SLC43A1: variants seen among roughly 807,000 people sequenced by gnomAD.
SLC43A1 encodes the protein solute carrier family 43 member 1, also known as large neutral amino acids transporter small subunit 3.
SLC43A1 carries 31 observed loss-of-function variants against 59.5 expected under a neutral mutation model. The observed-to-expected ratio is 0.52, with a 90% confidence interval of 0.39 to 0.70. The LOEUF (loss-of-function observed/expected upper bound fraction) is 0.70. Ranked by LOEUF, SLC43A1 falls within the 30% of genes least tolerant of loss-of-function variation. The probability of loss-of-function intolerance (pLI) is 0.00; values close to 1 mark genes in which losing one functional copy is unlikely to be tolerated. For missense variants in SLC43A1, 598 were observed against 717.8 expected (o/e 0.83, Z 1.91); for synonymous variants, 259 against 290.9 (o/e 0.89, Z 1.12).
intron 2 of SLC43A1, 194 bp from the exon 3 acceptor site, chr11:57,501,523 G>A: frequency 5.0e-6 from 3 of 603,700 alleles, no homozygotes; most frequent in Non-Finnish European, 8.8e-6. Context: ...GGAGAGTCTT[G>A]TGCACACACA....
In SLC43A1 at chr11:57,514,784, G is replaced by A; in HGVS notation, c.-14+660C>T. 1.0e-6 allele frequency: 1 copy of A among 983,638 alleles called. No individual in the cohort carries two copies. Among genetic ancestry groups the A allele is most frequent in the East Asian group, 1.1e-4 (1 of 8,772 alleles). The allele number at this position is 983,638 out of a possible 1,614,324, so 60.9% of individuals were successfully genotyped here. A position where few individuals can be genotyped will look rare whatever the true frequency, so the allele number is the denominator to read the frequency against. On this transcript the variant is annotated intron_variant, in intron 1 of 14. Transcript: ENST00000278426. This position sits in a 1 kb window ranked among gnomAD's most constrained non-coding sequence, Gnocchi z 5.5. ...CCCCCGCGCGCCCCTCACTCACTCC[G>A]CAGGGCTCGGGGCACCAGGCTTTGC...
intron 6 of SLC43A1, among the ~76,000 whole-genome samples, chr11:57,497,543 GAC>G (rs1944122591): frequency 1.3e-5 from 2 of 152,234 alleles, no homozygotes; most frequent in African/African-American, 2.4e-5. Flanking sequence ...TCACGTGAGT[GAC>G]AGAGTACAGA....
rs750074305 is a variant in SLC43A1, at chr11:57,513,965, C to T, written c.147G>A (p.Thr49=). 1.3e-6 allele frequency: 2 copies of T among 1,584,524 alleles called. No individual in the cohort carries two copies. Among genetic ancestry groups the T allele is most frequent in the Non-Finnish European group, 1.7e-6 (2 of 1,162,782 alleles). ...GCCCATTTTCAGGCATACCTGGGCA[C>T]GTGCTGGAATAGAAGCCCTCGTTCT... The part of the protein sequence containing the change: ...ILKNEGFYSS[T]CPAESSTNTT... The change falls in exon 2 of 15, where the codon ACG becomes ACA. Residue 49 remains threonine, a synonymous_variant. Transcript: ENST00000278426.
chr11:57,484,923 G>T lies in SLC43A1; in HGVS notation c.*173C>A. On this transcript the variant is annotated 3_prime_UTR_variant, in exon 15 of 15. Coordinates refer to ENST00000278426, the MANE Select transcript of SLC43A1 (RefSeq NM_003627.6). Reference sequence around the variant, plus strand: ...CGTTGACTTAGGGGGCGTTTTTGAAGGTTTTTTTTCCTCCTTTTTGCAGTC... The same window carrying T: ...CGTTGACTTAGGGGGCGTTTTTGAATGTTTTTTTTCCTCCTTTTTGCAGTC... 1 of 789,956 alleles carries T rather than the reference G, an allele frequency of 1.3e-6. No homozygotes were observed. The highest frequency in any genetic ancestry group is 1.9e-6 in the Non-Finnish European group (1 of 534,520). 48.9% of individuals were successfully genotyped at this position (789,956 alleles called of 1,614,324 possible). A position where few individuals can be genotyped will look rare whatever the true frequency, so the allele number is the denominator to read the frequency against.
intron 8 of SLC43A1, 126 bp from the exon 9 acceptor site, chr11:57,491,988 CA>C: frequency 2.2e-6 from 2 of 925,598 alleles, no homozygotes; most frequent in Non-Finnish European, 3.2e-6. Flanking sequence ...CTGGTTTCTT[CA>C]AAGACGGGAA....
rs1565124190 is a variant in SLC43A1, at chr11:57,489,254, G to A, written c.1332C>T (p.Leu444=). 1.2e-6 allele frequency: 2 copies of A among 1,614,210 alleles called. No homozygotes were observed. Among genetic ancestry groups the A allele is most frequent in the Non-Finnish European group, 8.5e-7 (1 of 1,180,038 alleles). The change falls in exon 12 of 15, where the codon CTC becomes CTT. Residue 444 remains leucine (L), a synonymous_variant. Transcript: ENST00000278426. ...GGGGAAGGATGAAGGTGGGTACCTG[G>A]AGGTGTAAGTTGTTGATGAGACAGG... The part of the protein sequence containing the change: ...GITCLINNLH[L]QFVTFVLHTI...
At chr11:57,497,001 T>C (rs962296857) in intron 6 of SLC43A1, among the ~76,000 whole-genome samples, 7 of 152,052 alleles carry the variant, frequency 4.6e-5, no homozygotes, top group Non-Finnish European at 8.8e-5. Flanking sequence ...CTTCAAACAC[T>C]ACTTCAGTTG....
chr11:57,513,682 G>A (rs1944609750), intron 2 of SLC43A1, among the ~76,000 whole-genome samples: 1 of 152,180 alleles, frequency 6.6e-6, no homozygotes, highest in South Asian at 2.1e-4. Context: ...AAGAGCTCTA[G>A]ACCTGAGGCT....
rs754604599 is a variant in SLC43A1 at position 57,485,261 on chromosome 11, G to C, written c.1534-19C>G. 1.2e-6 allele frequency: 2 copies of C among 1,603,424 alleles called. No individual in the cohort carries two copies. Among genetic ancestry groups the C allele is most frequent in the Non-Finnish European group, 1.7e-6 (2 of 1,174,714 alleles). ...GATTCACCTTTAGGGCAAGGAGAGA[G>C]AAACAGAGTCAAGTAGGTAGTCATC... On this transcript the variant is annotated intron_variant, in intron 14 of 14. Coordinates refer to ENST00000278426, the MANE Select transcript of SLC43A1 (RefSeq NM_003627.6).
intron 2 of SLC43A1, among the ~76,000 whole-genome samples, chr11:57,507,698 A>G (rs779945944): frequency 6.6e-6 from 1 of 152,178 alleles, no homozygotes; most frequent in Non-Finnish European, 1.5e-5. Context: ...TGAGCTCTTC[A>G]TATTTTTGTT....
chr11:57,489,509 G>A, intron 11 of SLC43A1, 117 bp from the exon 12 acceptor site: 3 of 1,276,746 alleles, frequency 2.3e-6, no homozygotes, highest in Non-Finnish European at 2.2e-6. Context: ...AGAAAACACA[G>A]AAATCCATGT....
chr11:57,503,183 G>A (rs1565137694), intron 2 of SLC43A1, among the ~76,000 whole-genome samples: 1 of 152,106 alleles, frequency 6.6e-6, no homozygotes, highest in African/African-American at 2.4e-5. Flanking sequence ...AAGGAGGTGG[G>A]GAAAGTGCTC....
chr11:57,514,114 T>C lies in SLC43A1; in HGVS notation c.-3A>G. The C allele has an allele frequency of 1.3e-6, 2 of 1,581,196 alleles. No individual in the cohort carries two copies. Among genetic ancestry groups the C allele is most frequent in the Non-Finnish European group, 1.7e-6 (2 of 1,165,124 alleles). On this transcript the variant is annotated 5_prime_UTR_variant, in exon 2 of 15. Coordinates refer to ENST00000278426, the MANE Select transcript of SLC43A1 (RefSeq NM_003627.6). The surrounding 1 kb of genome is among the most constrained non-coding windows in gnomAD (Gnocchi z 5.5). ...GCCTGTTGCAGCGTGGGGGCCATGCTGGCCCCGAGCCTGCACAGAAACAGA... is the reference window on the plus strand; with the variant it reads ...GCCTGTTGCAGCGTGGGGGCCATGCCGGCCCCGAGCCTGCACAGAAACAGA...
intron 2 of SLC43A1, among the ~76,000 whole-genome samples, chr11:57,507,716 A>T (rs149891729): frequency 3.9e-5 from 6 of 152,338 alleles, no homozygotes; most frequent in African/African-American, 1.4e-4. Flanking sequence ...GTTAAATGAC[A>T]TCATTTGATC....
At chr11:57,511,197 G>T (rs531170474) in intron 2 of SLC43A1, among the ~76,000 whole-genome samples, 1 of 152,246 alleles carries the variant, frequency 6.6e-6, no homozygotes, top group South Asian at 2.1e-4. Flanking sequence ...GCCCAGGAGG[G>T]AGGATCACTT....
At chr11:57,496,534 C>A (rs1048461796) in intron 6 of SLC43A1, among the ~76,000 whole-genome samples, 6 of 152,170 alleles carry the variant, frequency 3.9e-5, no homozygotes, top group Non-Finnish European at 8.8e-5. Flanking sequence ...ATAGTACGTA[C>A]AAAGGAAACT....
At position 57,515,185 on chromosome 11, in the gene SLC43A1, CT is replaced by C; in HGVS notation, c.-14+258del. On this transcript the variant is annotated intron_variant, in intron 1 of 14. Coordinates refer to ENST00000278426, the MANE Select transcript of SLC43A1 (RefSeq NM_003627.6). The surrounding 1 kb of genome is among the most constrained non-coding windows in gnomAD (Gnocchi z 5.3). ...GCGCTCCAGGAGGTCCGCTGGAACT[CT>C]GGCAAACGCGCAGCTCTAAGCAGAG... The C allele has an allele frequency of 2.3e-6, 1 of 428,960 alleles. No homozygotes were observed. The highest frequency in any genetic ancestry group is 3.1e-6 in the Non-Finnish European group (1 of 321,236). The allele number at this position is 428,960 out of a possible 1,614,324, so 26.6% of individuals were successfully genotyped here.
At chr11:57,487,614 T>C (rs1269584846) in intron 13 of SLC43A1, among the ~76,000 whole-genome samples, 2 of 152,074 alleles carry the variant, frequency 1.3e-5, no homozygotes, top group African/African-American at 2.4e-5. Context: ...AACAGATTCC[T>C]GCCATCGAGG....
At chr11:57,488,887 AG>A (rs761147422) in intron 13 of SLC43A1, 28 bp downstream of exon 13, 5 of 1,595,764 alleles carry the variant, frequency 3.1e-6, no homozygotes, top group Non-Finnish European at 4.3e-6. Flanking sequence ...TGCAAAGCTC[AG>A]GAAGGCATTT....
Sources: gnomAD v4.1 joint callset for allele counts (sites outside exome capture counted in the v4.1 genomes callset) on GRCh38, gnomAD v4.1.1 for gene constraint, Gnocchi (gnomAD v3.1) non-coding constraint, MANE v1.5 for transcripts, NCBI Gene and HGNC (gene_info 2026-07-23, HGNC 2026-07-21) for gene names.